Variants in GARRE1 observed in about 807,000 individuals in gnomAD.
GARRE1 encodes the protein granule associated Rac and RHOG effector 1, also known as granule associated Rac and RHOG effector protein 1.
GARRE1 carries 49 observed loss-of-function variants against 103.2 expected under a neutral mutation model. That is an observed-to-expected ratio of 0.47 (90% confidence interval 0.38 to 0.60). The LOEUF (loss-of-function observed/expected upper bound fraction) is 0.60. GARRE1 is among the 20% of genes least tolerant of loss of function. The probability of loss-of-function intolerance (pLI) is 0.00; values close to 1 mark genes in which losing one functional copy is unlikely to be tolerated. For synonymous variants in GARRE1, 505 were observed against 532.8 expected (o/e 0.95, Z 0.72); for missense variants, 1,199 against 1,370.5 (o/e 0.87, Z 1.98).
At chr19:34,337,329 G>A (rs1304625063) in intron 8 of GARRE1, among the ~76,000 whole-genome samples, 1 of 152,158 alleles carries the variant, frequency 6.6e-6, no homozygotes, top group African/African-American at 2.4e-5. Flanking sequence ...GATGAGTTCA[G>A]ACACAGGCAG....
At chr19:34,330,991 C>G (rs575490258) in intron 7 of GARRE1, among the ~76,000 whole-genome samples, 1 of 151,690 alleles carries the variant, frequency 6.6e-6, no homozygotes, top group African/African-American at 2.4e-5. Context: ...CCTCTGCCTC[C>G]CGGGTTCAAA....
chr19:34,299,112 C>T (rs1006170702), intron 1 of GARRE1, among the ~76,000 whole-genome samples: 11 of 152,224 alleles, frequency 7.2e-5, no homozygotes, highest in Non-Finnish European at 1.0e-4. Flanking sequence ...CCGACTGTCC[C>T]GTCCTACTTT....
chr19:34,336,988 T>G (rs1192304523), intron 8 of GARRE1, among the ~76,000 whole-genome samples: 1 of 152,048 alleles, frequency 6.6e-6, no homozygotes, highest in Non-Finnish European at 1.5e-5. Context: ...TTGTAGACTG[T>G]GATTTCTTGT....
intron 6 of GARRE1, among the ~76,000 whole-genome samples, chr19:34,328,975 ATTG>A (rs1387753853): frequency 1.3e-5 from 2 of 152,198 alleles, no homozygotes; most frequent in Non-Finnish European, 2.9e-5. Flanking sequence ...ACTATAAGAT[ATTG>A]TTTATGATTA....
In GARRE1 at chr19:34,353,780, A is replaced by G. The variant is rs1428392250; in HGVS notation, c.*825A>G. 2.6e-5 allele frequency: 4 copies of G among 152,322 alleles called. No homozygotes were observed. The highest frequency in any genetic ancestry group is 4.4e-5 in the Non-Finnish European group (3 of 68,050). 9.4% of individuals were successfully genotyped at this position (152,322 alleles called of 1,614,324 possible). A position where few individuals can be genotyped will look rare whatever the true frequency, so the allele number is the denominator to read the frequency against. On this transcript the variant is annotated 3_prime_UTR_variant, in exon 14 of 14. Transcript: ENST00000299505. ...CTGCTGCCCTTCGATCCTTCCACAC[A>G]TGGCCAGGACACTGCCACAATCCTC...
chr19:34,262,637 T>A, intron 1 of GARRE1, among the ~76,000 whole-genome samples: 1 of 152,122 alleles, frequency 6.6e-6, no homozygotes, highest in East Asian at 1.9e-4. Flanking sequence ...CCAAGATAAC[T>A]CCCAGTGTCT....
At chr19:34,316,566 A>G (rs2074061443) in intron 2 of GARRE1, among the ~76,000 whole-genome samples, 1 of 152,124 alleles carries the variant, frequency 6.6e-6, no homozygotes, top group South Asian at 2.1e-4. Flanking sequence ...GGCAGGCTGG[A>G]GGTTGAGCTC....
chr19:34,301,982 C>CTTTTTT (rs35417822), intron 2 of GARRE1, among the ~76,000 whole-genome samples: 4 of 50,030 alleles, frequency 8.0e-5, no homozygotes, highest in Non-Finnish European at 1.6e-4. Flanking sequence ...TGCGCCCAGC[C>CTTTTTT]TTTTTTTTTT....
chr19:34,309,621 T>G (rs142977848), intron 2 of GARRE1, among the ~76,000 whole-genome samples: 246 of 152,264 alleles, frequency 1.6e-3, no homozygotes, highest in African/African-American at 5.3e-3. Context: ...ATTATAGGCT[T>G]GAACCACTGT....
At chr19:34,318,463 G>A (rs1159387170) in intron 2 of GARRE1, among the ~76,000 whole-genome samples, 4 of 152,258 alleles carry the variant, frequency 2.6e-5, no homozygotes, top group African/African-American at 7.2e-5. Context: ...AGGGCCGGCT[G>A]TGAGTAGGCT....
intron 3 of GARRE1, among the ~76,000 whole-genome samples, chr19:34,321,887 G>T (rs2074090664): frequency 1.3e-5 from 2 of 152,200 alleles, no homozygotes; most frequent in Non-Finnish European, 2.9e-5. Context: ...CTCCCTAGTG[G>T]ATAGAGAGCG....
At chr19:34,324,124 G>A (rs924711954) in intron 3 of GARRE1, among the ~76,000 whole-genome samples, 3 of 152,056 alleles carry the variant, frequency 2.0e-5, no homozygotes, top group East Asian at 3.9e-4. Flanking sequence ...TCTGTGGTGC[G>A]ACCTAGTGTT....
In GARRE1 at chr19:34,307,370, A is replaced by G. The variant is rs573874894; in HGVS notation, c.495+6402A>G. ...CAGTGTTGAGAGGTGTTGGTCCTCT[A>G]TGTAGGCAGTCCAGGAACCCAGGGC... On this transcript the variant is annotated intron_variant, in intron 2 of 13. Coordinates refer to ENST00000299505, the MANE Select transcript of GARRE1 (RefSeq NM_014686.5). Among the ~76,000 whole-genome samples, 7 of 152,118 alleles carry G rather than the reference A, an allele frequency of 4.6e-5. No individual in the cohort carries two copies. The South Asian group carries it at 1.0e-3, about 23-fold the overall frequency.
At chr19:34,328,182 T>A (rs1316122336) in intron 6 of GARRE1, 31 bp downstream of exon 6, 1 of 1,606,172 alleles carries the variant, frequency 6.2e-7, no homozygotes, top group East Asian at 2.2e-5. Context: ...AGCAAATGAG[T>A]GTGAACTTGA....
rs566770142 is a variant in GARRE1 at position 34,266,454 on chromosome 19, G to C, written c.-796+11840G>C. ...TCGGCTCACTGCAACCTCTATCTCCGGGGTTCAAGCGATTCCCCTGCCTCA... is the reference window on the plus strand; with the variant it reads ...TCGGCTCACTGCAACCTCTATCTCCCGGGTTCAAGCGATTCCCCTGCCTCA... On this transcript the variant is annotated intron_variant, in intron 1 of 13. Coordinates refer to ENST00000299505, the MANE Select transcript of GARRE1 (RefSeq NM_014686.5). Among the ~76,000 whole-genome samples the C allele has an allele frequency of 2.6e-5, 4 of 152,216 alleles. No individual in the cohort carries two copies. In the South Asian group the frequency reaches 8.3e-4, roughly 32 times the overall value.
chr19:34,259,179 G>GTAAA (rs369698948), intron 1 of GARRE1, among the ~76,000 whole-genome samples: 83 of 152,234 alleles, frequency 5.5e-4, no homozygotes, highest in African/African-American at 1.2e-3. Context: ...AAATAAATAA[G>GTAAA]TAAATAAATA....
At position 34,330,281 on chromosome 19, in the gene GARRE1, T is replaced by A. The variant is rs1433242964; in HGVS notation, c.1197T>A (p.Val399=). 6.2e-7 allele frequency: 1 copy of A among 1,614,078 alleles called. No homozygotes were observed. Among genetic ancestry groups the A allele is most frequent in the Non-Finnish European group, 8.5e-7 (1 of 1,180,036 alleles). ...CTGTGACTGAAGTGCTGAACCAGGTTTGCCCTTCCACATGGCGAGGTGCCT... is the reference window on the plus strand; with the variant it reads ...CTGTGACTGAAGTGCTGAACCAGGTATGCCCTTCCACATGGCGAGGTGCCT... The part of the protein sequence containing the change: ...DFPVTEVLNQ[V]CPSTWRGACK... Residue 399 remains valine (V), a synonymous_variant, in exon 7 of 14, where the codon GTT becomes GTA. Coordinates refer to ENST00000299505, the MANE Select transcript of GARRE1 (RefSeq NM_014686.5).
chr19:34,278,171 T>C (rs1218048731), intron 1 of GARRE1, among the ~76,000 whole-genome samples: 2 of 152,034 alleles, frequency 1.3e-5, no homozygotes, highest in East Asian at 3.9e-4. Flanking sequence ...TGGCCAGGCA[T>C]GGTGGCTCAT....
rs923590216 is a variant in GARRE1, at chr19:34,300,207, G to C, written c.-267G>C. The C allele has an allele frequency of 4.4e-5, 17 of 384,558 alleles. No homozygotes were observed. The highest frequency in any genetic ancestry group is 1.3e-3 in the Middle Eastern group (2 of 1,522). 23.8% of individuals were successfully genotyped at this position (384,558 alleles called of 1,614,324 possible). A position where few individuals can be genotyped will look rare whatever the true frequency, so the allele number is the denominator to read the frequency against. The stretch of plus-strand genomic sequence containing the variant: ...CAGCAAGCATATCCTTTTAGTAAGA[G>C]AGTGGAATGCTAAACAGTTCTTATC... On this transcript the variant is annotated 5_prime_UTR_variant, in exon 2 of 14. Coordinates refer to ENST00000299505, the MANE Select transcript of GARRE1 (RefSeq NM_014686.5).
Sources: allele counts gnomAD v4.1 joint callset (sites outside exome capture counted in the v4.1 genomes callset), GRCh38; gene constraint gnomAD v4.1.1; transcripts MANE v1.5; gene names NCBI Gene and HGNC (gene_info 2026-07-23, HGNC 2026-07-21).